The following LRP1B variants were observed in gnomAD, a reference collection of about 807,000 sequenced individuals.
The protein encoded by LRP1B is LDL receptor related protein 1B, also known as low-density lipoprotein receptor-related protein 1B.
In LRP1B, 217 loss-of-function variants were observed where a neutral mutation model predicts 556.6. That is an observed-to-expected ratio of 0.39 (90% CI 0.35 to 0.44). The LOEUF (loss-of-function observed/expected upper bound fraction) is 0.44, where lower values mean the gene tolerates loss of function less well. LRP1B is among the 20% of genes least tolerant of loss of function. LRP1B has a pLI of 1.00. For synonymous variants in LRP1B, 2,047 were observed against 1,865.8 expected, an observed-to-expected ratio of 1.10 and a Z score of -2.50; for missense variants, 5,053 against 5,620.8, an observed-to-expected ratio of 0.90 and a Z score of 3.23.
At chr2:140,530,873 T>C (rs115994311) in intron 47 of LRP1B, among the ~76,000 whole-genome samples, 128 of 152,190 alleles carry the variant, frequency 8.4e-4, no homozygotes, top group African/African-American at 2.9e-3. Context: ...ATGACTGAGA[T>C]AGTTATAACA....
chr2:141,972,915 C>T (rs982813864), intron 1 of LRP1B, among the ~76,000 whole-genome samples: 3 of 151,546 alleles, frequency 2.0e-5, no homozygotes, highest in Non-Finnish European at 3.0e-5. Flanking sequence ...ATAATACATA[C>T]ATCGAATCCC....
chr2:140,868,410 A>G, intron 25 of LRP1B, 147 bp from the exon 26 acceptor site: 1 of 655,408 alleles, frequency 1.5e-6, no homozygotes, highest in South Asian at 3.2e-5. Flanking sequence ...CGTGGGGCTT[A>G]TGGTCCAGTG....
intron 7 of LRP1B, among the ~76,000 whole-genome samples, chr2:141,102,743 A>T (rs1700498661): frequency 1.3e-5 from 2 of 152,158 alleles, no homozygotes; most frequent in Admixed American, 6.6e-5. Context: ...GCCATAAGTG[A>T]GTTCTACCAA....
At chr2:140,388,918 A>G (rs1038157360) in intron 66 of LRP1B, among the ~76,000 whole-genome samples, 12 of 152,206 alleles carry the variant, frequency 7.9e-5, no homozygotes, top group African/African-American at 2.9e-4. Context: ...AAGCTAGTCT[A>G]TGATTCCAAT....
rs1284719024 is a variant in LRP1B at position 140,279,748 on chromosome 2, T to G, written c.12968-5150A>C. On this transcript the variant is annotated intron_variant, in intron 84 of 90. Coordinates refer to ENST00000389484, the MANE Select transcript of LRP1B (RefSeq NM_018557.3). Reference sequence around the variant, plus strand: ...GTTTACTTTGGTTCTAAAGGTTACTTTACTGATCTATAAGCTCTGAAGAAA... The same window carrying G: ...GTTTACTTTGGTTCTAAAGGTTACTGTACTGATCTATAAGCTCTGAAGAAA... Among the ~76,000 whole-genome samples the G allele has an allele frequency of 2.0e-5, 3 of 151,906 alleles. No individual in the cohort carries two copies. In the East Asian group the frequency reaches 5.8e-4, roughly 29 times the overall value.
At chr2:140,639,836 CCTCTTT>C (rs1327999397) in intron 41 of LRP1B, among the ~76,000 whole-genome samples, 5 of 152,124 alleles carry the variant, frequency 3.3e-5, no homozygotes, top group Non-Finnish European at 7.4e-5. Flanking sequence ...ACTCTCACTT[CCTCTTT>C]CTAACTCTCT....
intron 6 of LRP1B, among the ~76,000 whole-genome samples, chr2:141,213,793 GTTTTTACTTGCATTATT>G (rs1298683850): frequency 1.3e-5 from 2 of 151,864 alleles, no homozygotes; most frequent in Non-Finnish European, 2.9e-5. Flanking sequence ...TACTGTATTG[GTTTTTACTTGCATTATT>G]TTTTACTGGT....
At chr2:140,884,088 C>T (rs1404283493) in intron 24 of LRP1B, 67 bp from the exon 25 acceptor site, 17 of 1,393,352 alleles carry the variant, frequency 1.2e-5, no homozygotes, top group Non-Finnish European at 1.7e-5. Flanking sequence ...AGGAAAAGGC[C>T]TTTGTGCCTG....
chr2:141,926,741 A>C (rs1700342915), intron 1 of LRP1B, among the ~76,000 whole-genome samples: 1 of 152,148 alleles, frequency 6.6e-6, no homozygotes, highest in South Asian at 2.1e-4. Context: ...TATTTCCTTC[A>C]AATAGATAAT....
intron 1 of LRP1B, among the ~76,000 whole-genome samples, chr2:141,841,249 A>G (rs931173171): frequency 2.6e-5 from 4 of 152,234 alleles, no homozygotes; most frequent in Non-Finnish European, 5.9e-5. Context: ...GTAAATTATC[A>G]TAATTTCCAT....
chr2:140,727,235 G>A (rs1297746602), intron 35 of LRP1B, among the ~76,000 whole-genome samples: 4 of 152,088 alleles, frequency 2.6e-5, no homozygotes, highest in South Asian at 2.1e-4. Flanking sequence ...AAGCTGCAAC[G>A]TTCTGACCAT....
chr2:141,441,468 A>C (rs1680965231), intron 3 of LRP1B, among the ~76,000 whole-genome samples: 1 of 152,184 alleles, frequency 6.6e-6, no homozygotes, highest in Admixed American at 6.5e-5. Context: ...GCACACTTAA[A>C]CCATAAATAC....
At chr2:142,066,279 T>TTTTTG (rs1705105404) in intron 1 of LRP1B, among the ~76,000 whole-genome samples, 1 of 150,592 alleles carries the variant, frequency 6.6e-6, no homozygotes, top group Non-Finnish European at 1.5e-5. Flanking sequence ...AAGTCCAGTT[T>TTTTTG]TTTGTTTAAC....
Position 140,442,492 on chromosome 2 carries a change from A to G in LRP1B, c.10414+12T>C. The G allele has an allele frequency of 6.2e-7, 1 of 1,609,936 alleles. No individual in the cohort carries two copies. The highest frequency in any genetic ancestry group is 8.5e-7 in the Non-Finnish European group (1 of 1,178,446). On this transcript the variant is annotated intron_variant, in intron 66 of 90. Coordinates refer to ENST00000389484, the MANE Select transcript of LRP1B (RefSeq NM_018557.3). Reference sequence around the variant, plus strand: ...ATACGGAGAGATAAGACCCAGAGTCACAGACACTCACCGCAGTTGGCCTCG... The same window carrying G: ...ATACGGAGAGATAAGACCCAGAGTCGCAGACACTCACCGCAGTTGGCCTCG...
At position 140,518,995 on chromosome 2, in the gene LRP1B, T is replaced by C. The variant is rs182816309; in HGVS notation, c.8027-1984A>G. 1.7e-4 allele frequency among the ~76,000 whole-genome samples: 26 copies of C among 152,276 alleles called. No homozygotes were observed. In the East Asian group the frequency reaches 4.8e-3, roughly 28 times the overall value. On this transcript the variant is annotated intron_variant, in intron 49 of 90. Transcript: ENST00000389484. The stretch of plus-strand genomic sequence containing the variant: ...TAAATGGAAGAACAGTCCATGCTTA[T>C]GCATAGGAAGAATCAATATCATAAA...
intron 39 of LRP1B, 22 bp from the exon 40 acceptor site, chr2:140,701,867 A>T (rs748004663): frequency 8.7e-6 from 14 of 1,612,122 alleles, no homozygotes; most frequent in Non-Finnish European, 1.1e-5. Flanking sequence ...TTGAACATAC[A>T]TGATCAACAA....
At chr2:141,214,401 C>T (rs1423956926) in intron 6 of LRP1B, among the ~76,000 whole-genome samples, 1 of 152,154 alleles carries the variant, frequency 6.6e-6, no homozygotes, top group Non-Finnish European at 1.5e-5. Context: ...TAAAAGACAT[C>T]AGTTTTAATA....
chr2:140,685,804 G>C (rs1168181189), intron 41 of LRP1B, among the ~76,000 whole-genome samples: 1 of 152,108 alleles, frequency 6.6e-6, no homozygotes, highest in Non-Finnish European at 1.5e-5. Flanking sequence ...GTGCAGAAAA[G>C]ACTATATCCA....
intron 3 of LRP1B, among the ~76,000 whole-genome samples, chr2:141,346,908 C>G (rs1037449367): frequency 2.6e-5 from 4 of 152,100 alleles, no homozygotes; most frequent in Admixed American, 1.3e-4. Flanking sequence ...TAGTTCTCCA[C>G]ATTCTTGTGG....
Sources: gnomAD v4.1 joint callset for allele counts (sites outside exome capture counted in the v4.1 genomes callset) on GRCh38, gnomAD v4.1.1 for gene constraint, MANE v1.5 for transcripts, NCBI Gene and HGNC (gene_info 2026-07-23, HGNC 2026-07-21) for gene names.